TNS3: variants seen among roughly 807,000 people sequenced by gnomAD.
The protein encoded by TNS3 is tensin-3.
TNS3 carries 45 observed loss-of-function variants against 140.9 expected under a neutral mutation model. That is an observed-to-expected ratio of 0.32 (90% CI 0.25 to 0.41). TNS3 has a LOEUF of 0.41. Among genes scored for constraint, TNS3 ranks in the 10% least tolerant of loss-of-function variants. The pLI is 1.00. For missense variants in TNS3, 1,716 were observed against 1,906.7 expected (o/e 0.90, Z 1.86); for synonymous variants, 815 against 788.4 (o/e 1.03, Z -0.56).
intron 1 of TNS3, among the ~76,000 whole-genome samples, chr7:47,541,725 G>T (rs915883063): frequency 1.3e-5 from 2 of 152,072 alleles, no homozygotes; most frequent in Non-Finnish European, 2.9e-5. Context: ...GAGGCGAGCG[G>T]ATCACAAGGT....
At chr7:47,406,853 C>T (rs548048897) in intron 13 of TNS3, among the ~76,000 whole-genome samples, 5 of 152,280 alleles carry the variant, frequency 3.3e-5, no homozygotes, top group African/African-American at 7.2e-5. Context: ...CAGCAGGGCA[C>T]GTCACGCAGG....
At chr7:47,437,558 T>G (rs932984202) in intron 6 of TNS3, among the ~76,000 whole-genome samples, 2 of 151,506 alleles carry the variant, frequency 1.3e-5, no homozygotes, top group African/African-American at 4.8e-5. Flanking sequence ...CAGAAAAGAT[T>G]GAAAAATACA....
chr7:47,522,531 T>C (rs1799020151), intron 2 of TNS3, among the ~76,000 whole-genome samples: 2 of 152,176 alleles, frequency 1.3e-5, no homozygotes, highest in Admixed American at 6.5e-5. Context: ...CCTGAACACC[T>C]CCTGGTCTCT....
chr7:47,481,773 A>G, intron 3 of TNS3: 1 of 924,994 alleles, frequency 1.1e-6, no homozygotes, highest in South Asian at 5.0e-5. Flanking sequence ...TGGCTCAAAC[A>G]CAGTCAGGAG....
At chr7:47,408,577 C>G (rs945045185) in intron 13 of TNS3, among the ~76,000 whole-genome samples, 2 of 152,146 alleles carry the variant, frequency 1.3e-5, no homozygotes, top group African/African-American at 4.8e-5. Context: ...AGGGTCACAT[C>G]GATGCAGTTT....
chr7:47,328,130 A>C (rs1361056329), intron 20 of TNS3, among the ~76,000 whole-genome samples: 1 of 152,016 alleles, frequency 6.6e-6, no homozygotes, highest in African/African-American at 2.4e-5. Context: ...CCACCCACCC[A>C]GGCAGGGCTC....
chr7:47,582,584 C>G (rs1292824243), upstream of TNS3: 3 of 423,400 alleles, frequency 7.1e-6, no homozygotes, highest in African/African-American at 6.2e-5. Flanking sequence ...ACAGCCGCTC[C>G]GGAAAGCCTA....
chr7:47,301,234 C>T (rs1207798545), intron 23 of TNS3, among the ~76,000 whole-genome samples: 1 of 152,176 alleles, frequency 6.6e-6, no homozygotes, highest in East Asian at 1.9e-4. Flanking sequence ...CTCCAGCCTC[C>T]ACCAGGTGGC....
chr7:47,472,290 C>T (rs1796987414), intron 4 of TNS3, among the ~76,000 whole-genome samples: 1 of 152,208 alleles, frequency 6.6e-6, no homozygotes, highest in African/African-American at 2.4e-5. Flanking sequence ...AACTCAACCC[C>T]CTGTACCTCC....
intron 1 of TNS3, among the ~76,000 whole-genome samples, chr7:47,562,104 C>T (rs927875249): frequency 3.3e-5 from 5 of 152,192 alleles, no homozygotes; most frequent in Non-Finnish European, 7.3e-5. Context: ...GATAGGTAAA[C>T]ATTTCTCCAT....
At chr7:47,424,011 G>A (rs1008944346) in intron 10 of TNS3, 90 bp downstream of exon 10, 29 of 1,274,490 alleles carry the variant, frequency 2.3e-5, no homozygotes, top group East Asian at 9.4e-5. Context: ...TTTAGGTGTC[G>A]GGACAGAGGA....
At chr7:47,472,337 G>A (rs1796989626) in intron 4 of TNS3, among the ~76,000 whole-genome samples, 1 of 152,184 alleles carries the variant, frequency 6.6e-6, no homozygotes, top group South Asian at 2.1e-4. Flanking sequence ...GAGAAGGAGG[G>A]AGGCCCCACT....
At chr7:47,376,756 A>ACACACACACACACACACACAAAC (rs1554305218) in intron 16 of TNS3, among the ~76,000 whole-genome samples, 1 of 39,614 alleles carries the variant, frequency 2.5e-5, no homozygotes, top group African/African-American at 6.5e-5. Flanking sequence ...CACACACACA[A>ACACACACACACACACACACAAAC]ACTCATATAC....
At chr7:47,325,608 T>A (rs1787985328) in intron 20 of TNS3, among the ~76,000 whole-genome samples, 1 of 152,214 alleles carries the variant, frequency 6.6e-6, no homozygotes, top group African/African-American at 2.4e-5. Context: ...GGGGACCTTC[T>A]GGTCCCTTGA....
At position 47,277,833 on chromosome 7, in the gene TNS3, GCTT is replaced by G. The variant is rs1473097241; in HGVS notation, c.*240_*242del. 6.8e-6 allele frequency: 4 copies of G among 587,548 alleles called. No individual in the cohort carries two copies. The highest frequency in any genetic ancestry group is 1.8e-5 in the South Asian group (1 of 54,906). 36.4% of individuals were successfully genotyped at this position (587,548 alleles called of 1,614,324 possible). A position where few individuals can be genotyped will look rare whatever the true frequency, so the allele number is the denominator to read the frequency against. ...AGGGGGTGGGGTGCACCCATGCCCAGCTTCTTCTACCCAAAAAGCATGTGGCTA... is the reference window on the plus strand; with the variant it reads ...AGGGGGTGGGGTGCACCCATGCCCAGCTTCTACCCAAAAAGCATGTGGCTA... On this transcript the variant is annotated 3_prime_UTR_variant, in exon 31 of 31. Coordinates refer to ENST00000311160, the MANE Select transcript of TNS3 (RefSeq NM_022748.12).
At chr7:47,382,425 A>T (rs764066548) in intron 16 of TNS3, among the ~76,000 whole-genome samples, 35 of 152,194 alleles carry the variant, frequency 2.3e-4, no homozygotes, top group Non-Finnish European at 4.6e-4. Context: ...CATTTTCTAC[A>T]GGTTCCCTGC....
chr7:47,292,353 G>C (rs2150613905), intron 26 of TNS3, among the ~76,000 whole-genome samples: 1 of 152,340 alleles, frequency 6.6e-6, no homozygotes. Flanking sequence ...TGACTGCTTA[G>C]GAAAGTGGGA....
chr7:47,527,109 C>A (rs966328575), intron 2 of TNS3, among the ~76,000 whole-genome samples: 2 of 150,780 alleles, frequency 1.3e-5, no homozygotes, highest in African/African-American at 4.9e-5. Flanking sequence ...TGGTGGCGGG[C>A]GCCTGTAGTC....
Position 47,417,445 on chromosome 7 carries a change from C to T in TNS3, c.474-2239G>A, listed in dbSNP as rs370816472. ...CCCAAAGAAGGCCAAAGTCCAGGGC[C>T]ACAAGCCCAGTAGTGGTCAGAGGGG... On this transcript the variant is annotated intron_variant, in intron 10 of 30. Transcript: ENST00000311160. Among the ~76,000 whole-genome samples the T allele has an allele frequency of 5.2e-4, 79 of 152,344 alleles. 1 individual carries two copies. The highest frequency in any genetic ancestry group is 1.9e-3 in the African/African-American group (77 of 41,584).
Sources: allele counts gnomAD v4.1 joint callset (sites outside exome capture counted in the v4.1 genomes callset), GRCh38; gene constraint gnomAD v4.1.1; transcripts MANE v1.5; gene names NCBI Gene and HGNC (gene_info 2026-07-23, HGNC 2026-07-21).